Variants in ADRA1A observed in about 807,000 individuals in gnomAD.
ADRA1A encodes the protein alpha-1A adrenergic receptor.
A neutral mutation model predicts 29.6 loss-of-function variants in ADRA1A; 31 were observed. That is an observed-to-expected ratio of 1.05 (90% CI 0.79 to 1.41). The LOEUF is 1.41. ADRA1A is among the 40% of genes most tolerant of loss of function. The pLI is 0.00. For synonymous variants in ADRA1A, 311 were observed against 254.3 expected, an observed-to-expected ratio of 1.22 and a Z score of -2.12; for missense variants, 619 against 601.1, an observed-to-expected ratio of 1.03 and a Z score of -0.31.
In ADRA1A at chr8:26,831,075, G is replaced by A. The variant is rs1246640911; in HGVS notation, c.883+33012C>T. Among the ~76,000 whole-genome samples the A allele has an allele frequency of 6.6e-6, 1 of 152,110 alleles. No individual in the cohort carries two copies. The highest frequency in any genetic ancestry group is 1.5e-5 in the Non-Finnish European group (1 of 68,036). On this transcript the variant is annotated intron_variant, in intron 2 of 2. Transcript: ENST00000380573. The surrounding 1 kb of genome is among the most constrained non-coding windows in gnomAD (Gnocchi z 5.2). Reference sequence around the variant, plus strand: ...TTAAAGAAATATACTTAGGAGATTGGCCTGGTTGGGGCTCTGCCATCACAG... The same window carrying A: ...TTAAAGAAATATACTTAGGAGATTGACCTGGTTGGGGCTCTGCCATCACAG...
downstream of ADRA1A, among the ~76,000 whole-genome samples, chr8:26,767,204 G>C (rs550312843): frequency 3.9e-5 from 6 of 152,190 alleles, no homozygotes; most frequent in African/African-American, 9.6e-5. Flanking sequence ...GTGATGTTTA[G>C]ACAATCCCAA....
chr8:26,764,647 G>A (rs1039786967), downstream of ADRA1A, among the ~76,000 whole-genome samples: 2 of 152,224 alleles, frequency 1.3e-5, no homozygotes, highest in African/African-American at 4.8e-5. Context: ...ATATGCTAAA[G>A]TGTAGGTAAT....
At chr8:26,849,708 G>T (rs750748804) in intron 2 of ADRA1A, among the ~76,000 whole-genome samples, 1 of 152,164 alleles carries the variant, frequency 6.6e-6, no homozygotes, top group Non-Finnish European at 1.5e-5. Context: ...AAAAAGTACT[G>T]TTCCTATGAA....
intron 2 of ADRA1A, among the ~76,000 whole-genome samples, chr8:26,837,369 G>A (rs934605571): frequency 2.6e-5 from 4 of 152,158 alleles, no homozygotes; most frequent in Admixed American, 1.3e-4. Flanking sequence ...ACAATAGCCA[G>A]GCTGGGCATG....
chr8:26,860,769 C>T lies in ADRA1A; in HGVS notation c.883+3318G>A, dbSNP rs1461232665. ...GCTCTCCTTGTCACTTCCCAATGCTCCCCTTGGGCACTGAATCCCGTTGCC... is the reference window on the plus strand; with the variant it reads ...GCTCTCCTTGTCACTTCCCAATGCTTCCCTTGGGCACTGAATCCCGTTGCC... On this transcript the variant is annotated intron_variant, in intron 2 of 2. Coordinates refer to ENST00000380573, the MANE Select transcript of ADRA1A (RefSeq NM_000680.4). This position sits in a 1 kb window ranked among gnomAD's most constrained non-coding sequence, Gnocchi z 4.7. Among the ~76,000 whole-genome samples the T allele has an allele frequency of 6.6e-6, 1 of 152,144 alleles. No homozygotes were observed. Among genetic ancestry groups the T allele is most frequent in the Admixed American group, 6.5e-5 (1 of 15,272 alleles).
chr8:26,768,374 A>G (rs1045887166), downstream of ADRA1A, among the ~76,000 whole-genome samples: 7 of 152,260 alleles, frequency 4.6e-5, no homozygotes, highest in African/African-American at 1.7e-4. Context: ...GTCGAGAATT[A>G]TTCCAAAAAC....
chr8:26,805,764 C>T lies in ADRA1A; in HGVS notation c.884-35098G>A, dbSNP rs1036162306. On this transcript the variant is annotated intron_variant, in intron 2 of 2. Coordinates refer to ENST00000380573, the MANE Select transcript of ADRA1A (RefSeq NM_000680.4). The surrounding 1 kb of genome is among the most constrained non-coding windows in gnomAD (Gnocchi z 4.8). ...TACCTGGTACAAGAATCTTGATGAG[C>T]CAAGAGTTACTGGAACTTCAGTAAG... 6.6e-6 allele frequency among the ~76,000 whole-genome samples: 1 copy of T among 152,128 alleles called. No individual in the cohort carries two copies. Among genetic ancestry groups the T allele is most frequent in the African/African-American group, 2.4e-5 (1 of 41,414 alleles).
intron 2 of ADRA1A, among the ~76,000 whole-genome samples, chr8:26,862,292 C>G (rs1813535658): frequency 6.6e-6 from 1 of 152,214 alleles, no homozygotes; most frequent in Admixed American, 6.5e-5. Flanking sequence ...AGTCAGGACT[C>G]TGCTCAAATA....
Position 26,815,942 on chromosome 8 carries a change from G to A in ADRA1A, c.884-45276C>T, listed in dbSNP as rs1450237522. Among the ~76,000 whole-genome samples the A allele has an allele frequency of 6.6e-6, 1 of 152,170 alleles. No homozygotes were observed. The highest frequency in any genetic ancestry group is 1.5e-5 in the Non-Finnish European group (1 of 68,018). On this transcript the variant is annotated intron_variant, in intron 2 of 2. Coordinates refer to ENST00000380573, the MANE Select transcript of ADRA1A (RefSeq NM_000680.4). The surrounding 1 kb of genome is among the most constrained non-coding windows in gnomAD (Gnocchi z 4.2). ...CAGGGCAGGATGAGAAGCAAGGGAG[G>A]GGGCGTGTCCAGGTGCTGCTGGTTG...
In ADRA1A at chr8:26,865,756, T is replaced by C; in HGVS notation, c.-686-101A>G. ...TGGGGGACACCAGTTGGGAGCCGGG[T>C]TGGTTCTGCGGTCCAGAAGCTGCTT... On this transcript the variant is annotated intron_variant, in intron 1 of 2. Coordinates refer to ENST00000380573, the MANE Select transcript of ADRA1A (RefSeq NM_000680.4). The surrounding 1 kb of genome is among the most constrained non-coding windows in gnomAD (Gnocchi z 7.6). 1 of 978,424 alleles carries C rather than the reference T, an allele frequency of 1.0e-6. No individual in the cohort carries two copies. The highest frequency in any genetic ancestry group is 1.2e-6 in the Non-Finnish European group (1 of 823,640). The allele number at this position is 978,424 out of a possible 1,614,324, so 60.6% of individuals were successfully genotyped here.
At position 26,864,339 on chromosome 8, in the gene ADRA1A, C is replaced by T; in HGVS notation, c.631G>A (p.Ala211Thr). 1 of 1,614,074 alleles carries T rather than the reference C, an allele frequency of 6.2e-7. No homozygotes were observed. Residue 211 changes from alanine (A) to threonine (T), a missense_variant, in exon 2 of 3, where the codon GCC (alanine) becomes ACC (threonine). Transcript: ENST00000380573. The surrounding 1 kb of genome is among the most constrained non-coding windows in gnomAD (Gnocchi z 8.1). Reference protein sequence around the residue: ...LVMYCRVYVVAKRESRGLKSG... With the variant: ...LVMYCRVYVVTKRESRGLKSG... ...TTGAGGCCCCGGCTCTCCCTCTTGG[C>T]CACCACGTAGACGCGGCAGTACATG...
chr8:26,780,911 G>A (rs755236650), intron 2 of ADRA1A, among the ~76,000 whole-genome samples: 16 of 152,326 alleles, frequency 1.1e-4, no homozygotes, highest in Non-Finnish European at 2.4e-4. Flanking sequence ...AGATGGGACT[G>A]CCTAGTTGCA....
At chr8:26,803,919 CTTTTTTT>C (rs34314160) in intron 2 of ADRA1A, among the ~76,000 whole-genome samples, 6 of 95,246 alleles carry the variant, frequency 6.3e-5, no homozygotes, top group African/African-American at 2.7e-4. Context: ...TGGAAGTTTC[CTTTTTTT>C]TTTTTTTTTT....
At chr8:26,827,747 G>A (rs1425789218) in intron 2 of ADRA1A, among the ~76,000 whole-genome samples, 1 of 151,898 alleles carries the variant, frequency 6.6e-6, no homozygotes, top group Non-Finnish European at 1.5e-5. Flanking sequence ...CTGCCCTTGT[G>A]ACCTACTCAC....
At chr8:26,842,866 TACACACACAC>T (rs57750998) in intron 2 of ADRA1A, among the ~76,000 whole-genome samples, 29,083 of 142,680 alleles carry the variant, frequency 0.2, 3,063 homozygotes, top group Non-Finnish European at 0.24. Flanking sequence ...TCTCTCTTTC[TACACACACAC>T]ACACACACAC....
Position 26,769,813 on chromosome 8 carries a change from T to C in ADRA1A, c.*336A>G, listed in dbSNP as rs1418864592. 1.9e-6 allele frequency: 2 copies of C among 1,036,390 alleles called. No homozygotes were observed. Among genetic ancestry groups the C allele is most frequent in the African/African-American group, 1.7e-5 (1 of 59,156 alleles). The allele number at this position is 1,036,390 out of a possible 1,614,324, so 64.2% of individuals were successfully genotyped here. Reference sequence around the variant, plus strand: ...GAGTGTGTGCTCAAAATATTCATGATGAAATCATAATCCTATATTTATAGT... The same window carrying C: ...GAGTGTGTGCTCAAAATATTCATGACGAAATCATAATCCTATATTTATAGT... On this transcript the variant is annotated 3_prime_UTR_variant, in exon 3 of 3. Coordinates refer to ENST00000380573, the MANE Select transcript of ADRA1A (RefSeq NM_000680.4).
downstream of ADRA1A, among the ~76,000 whole-genome samples, chr8:26,764,976 A>G (rs1264344880): frequency 6.6e-6 from 1 of 152,212 alleles, no homozygotes; most frequent in East Asian, 1.9e-4. Context: ...ACAGAGAGAG[A>G]AAAAGTAAAG....
intron 2 of ADRA1A, among the ~76,000 whole-genome samples, chr8:26,817,727 G>A (rs1809866133): frequency 6.6e-6 from 1 of 152,160 alleles, no homozygotes; most frequent in South Asian, 2.1e-4. Context: ...GCAGTGAGCT[G>A]TGATTTTGTC....
intron 2 of ADRA1A, among the ~76,000 whole-genome samples, chr8:26,798,983 C>T (rs12676073): frequency 0.087 from 13,205 of 152,176 alleles, 908 homozygotes; most frequent in East Asian, 0.33. Flanking sequence ...TGATTTCCAA[C>T]AATCCCTTAC....
Sources: allele counts gnomAD v4.1 joint callset (sites outside exome capture counted in the v4.1 genomes callset), GRCh38; gene constraint gnomAD v4.1.1; non-coding constraint Gnocchi (gnomAD v3.1); transcripts MANE v1.5; gene names NCBI Gene and HGNC (gene_info 2026-07-23, HGNC 2026-07-21).